SLC33A2: variants seen among roughly 807,000 people sequenced by gnomAD.
The protein encoded by SLC33A2 is solute carrier family 33 member 2.
the SLC33A2 span, chr8:144,509,072 A>G: frequency 2.4e-6 from 1 of 413,282 alleles, no homozygotes; most frequent in Admixed American, 4.5e-5. Flanking sequence ...GCGGCCGCGC[A>G]GAGCATGCCG....
At chr8:144,511,017 G>C in the SLC33A2 span, 1 of 1,602,448 alleles carries the variant, frequency 6.2e-7, no homozygotes, top group South Asian at 1.1e-5. Context: ...TTCTGGCCAC[G>C]CTGGAGCTGC....
At chr8:144,510,236 C>T in the SLC33A2 span, 75 of 1,458,962 alleles carry the variant, frequency 5.1e-5, no homozygotes, top group Non-Finnish European at 6.7e-5. Context: ...CCCCACTTCT[C>T]CCCCAGTATC....
chr8:144,510,169 C>T, the SLC33A2 span: 1 of 1,271,130 alleles, frequency 7.9e-7, no homozygotes, highest in South Asian at 1.4e-5. Flanking sequence ...TGCAGCTGGG[C>T]CTTGTGTCTT....
chr8:144,510,564 C>G, the SLC33A2 span: 1 of 1,607,884 alleles, frequency 6.2e-7, no homozygotes, highest in Non-Finnish European at 8.5e-7. Context: ...GCCCCCAATC[C>G]ACTATACTGA....
At chr8:144,509,922 G>T in the SLC33A2 span, 1 of 1,575,022 alleles carries the variant, frequency 6.3e-7, no homozygotes, top group Non-Finnish European at 8.6e-7. Context: ...GCCCCCTTCC[G>T]AGCAGCGTCC....
At chr8:144,510,263 T>C in the SLC33A2 span, 2 of 1,545,346 alleles carry the variant, frequency 1.3e-6, no homozygotes, top group Admixed American at 1.7e-5. Context: ...TCTGGAACAC[T>C]GAGGAGAGCA....
chr8:144,510,899 T>C, the SLC33A2 span: 1 of 1,605,084 alleles, frequency 6.2e-7, no homozygotes. Flanking sequence ...CCCAGGGCCC[T>C]GCAGGTGAGT....
the SLC33A2 span, chr8:144,510,227 C>A: frequency 2.1e-6 from 3 of 1,427,062 alleles, no homozygotes; most frequent in Admixed American, 4.0e-5. Flanking sequence ...CTCGGGCTGC[C>A]CCACTTCTCC....
the SLC33A2 span, chr8:144,510,077 C>T: frequency 2.0e-6 from 3 of 1,529,454 alleles, no homozygotes; most frequent in East Asian, 4.8e-5. Context: ...CCAGGTGTGT[C>T]CCCAGGGGCT....
At chr8:144,510,346 C>G in the SLC33A2 span, 2 of 1,611,166 alleles carry the variant, frequency 1.2e-6, no homozygotes, top group Non-Finnish European at 1.7e-6. Flanking sequence ...CTCATGCCCC[C>G]CCCACCACCC....
At chr8:144,510,414 C>G in the SLC33A2 span, 4 of 1,612,758 alleles carry the variant, frequency 2.5e-6, no homozygotes, top group Middle Eastern at 1.6e-4. Context: ...CACGGCGTTT[C>G]TGCTCCCGAG....
chr8:144,509,199 C>G, the SLC33A2 span: 1 of 898,764 alleles, frequency 1.1e-6, no homozygotes. Flanking sequence ...CTAGCCTGTA[C>G]GACGCTGACT....
the SLC33A2 span, chr8:144,509,631 G>C: frequency 2.6e-6 from 4 of 1,568,572 alleles, no homozygotes; most frequent in African/African-American, 4.1e-5. Context: ...GCTGCCCGCC[G>C]CTGTGGCGGG....
At chr8:144,511,152 C>A in the SLC33A2 span, 1 of 1,609,940 alleles carries the variant, frequency 6.2e-7, no homozygotes, top group Non-Finnish European at 8.5e-7. Context: ...TAGCACCCAG[C>A]ACCTTTCTCT....
At chr8:144,509,791 C>T in the SLC33A2 span, 11 of 1,545,274 alleles carry the variant, frequency 7.1e-6, no homozygotes, top group South Asian at 1.3e-4. Context: ...GCTGGGGGCG[C>T]GCTGCTGGCG....
At chr8:144,510,271 G>A in the SLC33A2 span, 1 of 1,561,724 alleles carries the variant, frequency 6.4e-7, no homozygotes, top group Non-Finnish European at 8.7e-7. Context: ...ACTGAGGAGA[G>A]CAGGGCAGGA....
At chr8:144,510,841 G>A in the SLC33A2 span, 1 of 1,610,402 alleles carries the variant, frequency 6.2e-7, no homozygotes, top group South Asian at 1.1e-5. Context: ...GGGAGGCCTG[G>A]TCACCACAGT....
At chr8:144,509,177 C>T in the SLC33A2 span, 1 of 687,618 alleles carries the variant, frequency 1.5e-6, no homozygotes, top group Non-Finnish European at 2.2e-6. Flanking sequence ...CCCGAGAGCA[C>T]GTGTCCAGAC....
At chr8:144,510,784 G>T in the SLC33A2 span, 1 of 1,611,152 alleles carries the variant, frequency 6.2e-7, no homozygotes. Context: ...GCTGACTTCT[G>T]CCCTCCCAGG....
Sources: allele counts gnomAD v4.1 joint callset, GRCh38; gene constraint gnomAD v4.1.1; transcripts MANE v1.5; gene names NCBI Gene and HGNC (gene_info 2026-07-23, HGNC 2026-07-21).